Variants in SLC26A9 observed in about 807,000 individuals in gnomAD.
SLC26A9 encodes the protein solute carrier family 26 member 9.
Under a neutral mutation model 87.1 loss-of-function variants are expected in SLC26A9, and 46 were observed. The ratio of observed to expected loss-of-function variants is 0.53; its 90% CI spans 0.42 to 0.67. The LOEUF is 0.67. SLC26A9 is among the 30% of genes least tolerant of loss of function. The pLI is 0.00. For synonymous variants in SLC26A9, 437 were observed against 409.1 expected (o/e 1.07, Z -0.82); for missense variants, 927 against 1,018.3 (o/e 0.91, Z 1.22).
intron 20 of SLC26A9, 128 bp from the exon 21 acceptor site, chr1:205,915,532 GTGT>G: frequency 8.5e-7 from 1 of 1,181,080 alleles, no homozygotes; most frequent in Non-Finnish European, 1.2e-6. Context: ...GTGTGTGTGT[GTGT>G]GTGTGTGTGT....
chr1:205,915,541 TGTGTGTGC>T (rs1658557527), intron 20 of SLC26A9, 137 bp from the exon 21 acceptor site: 2 of 1,165,926 alleles, frequency 1.7e-6, no homozygotes, highest in Non-Finnish European at 2.5e-6. Context: ...TGTGTGTGTG[TGTGTGTGC>T]GAGAGTGTGT....
intron 12 of SLC26A9, among the ~76,000 whole-genome samples, chr1:205,926,088 G>T (rs995175041): frequency 1.3e-5 from 2 of 152,014 alleles, no homozygotes; most frequent in Non-Finnish European, 2.9e-5. Flanking sequence ...CAAGATTTTG[G>T]TCCTCTGGCT....
chr1:205,942,498 G>A (rs547873473), intron 1 of SLC26A9, among the ~76,000 whole-genome samples: 2 of 152,210 alleles, frequency 1.3e-5, no homozygotes, highest in Non-Finnish European at 2.9e-5. Flanking sequence ...CAAGTGTAAG[G>A]GGGCAGTTGA....
At chr1:205,929,014 C>T (rs1659196446) in intron 7 of SLC26A9, 105 bp from the exon 8 acceptor site, 2 of 1,497,956 alleles carry the variant, frequency 1.3e-6, no homozygotes, top group East Asian at 2.3e-5. Flanking sequence ...TCCCACTCCC[C>T]TGCCTCCTTA....
intron 1 of SLC26A9, among the ~76,000 whole-genome samples, chr1:205,943,105 A>G (rs1200424721): frequency 1.3e-5 from 2 of 152,030 alleles, no homozygotes; most frequent in African/African-American, 4.8e-5. Flanking sequence ...GGCGACCACC[A>G]CACCCTCACC....
At chr1:205,933,175 T>G in intron 2 of SLC26A9, 91 bp from the exon 3 acceptor site, 2 of 1,530,918 alleles carry the variant, frequency 1.3e-6, no homozygotes, top group Non-Finnish European at 1.8e-6. Context: ...CTCATTTCAT[T>G]CATTGGTTCA....
chr1:205,915,993 C>T (rs1306298766), intron 20 of SLC26A9, among the ~76,000 whole-genome samples: 10 of 152,192 alleles, frequency 6.6e-5, no homozygotes, highest in Non-Finnish European at 1.3e-4. Flanking sequence ...CAGATTTCTC[C>T]AAACCTAGTC....
At chr1:205,942,799 C>T (rs1243145154) in intron 1 of SLC26A9, among the ~76,000 whole-genome samples, 4 of 152,202 alleles carry the variant, frequency 2.6e-5, no homozygotes, top group Non-Finnish European at 1.5e-5. Flanking sequence ...GTTTCCTCCC[C>T]CTCCACCTCT....
At chr1:205,920,906 C>T (rs1207006522) in intron 17 of SLC26A9, among the ~76,000 whole-genome samples, 1 of 152,244 alleles carries the variant, frequency 6.6e-6, no homozygotes, top group Non-Finnish European at 1.5e-5. Flanking sequence ...CAAGGCTGGC[C>T]TGGACTCCAG....
chr1:205,923,057 G>A lies in SLC26A9; in HGVS notation c.1773+25C>T, dbSNP rs756972838. ...CAGAATGGGCAGGAGAGCAGGGCAC[G>A]GGGCTGCTTCTGGCCTTCATTCACC... On this transcript the variant is annotated intron_variant, in intron 16 of 20. Coordinates refer to ENST00000367135, the MANE Select transcript of SLC26A9 (RefSeq NM_052934.4). 3.0e-5 allele frequency: 48 copies of A among 1,606,630 alleles called. No individual in the cohort carries two copies. The East Asian group carries it at 6.7e-4, about 22-fold the overall frequency.
chr1:205,914,730 G>T lies in SLC26A9; in HGVS notation c.*627C>A. 3.6e-6 allele frequency: 3 copies of T among 836,866 alleles called. No individual in the cohort carries two copies. Among genetic ancestry groups the T allele is most frequent in the Non-Finnish European group, 5.5e-6 (3 of 544,266 alleles). The allele number at this position is 836,866 out of a possible 1,614,324, so 51.8% of individuals were successfully genotyped here. On this transcript the variant is annotated 3_prime_UTR_variant, in exon 21 of 21. Coordinates refer to ENST00000367135, the MANE Select transcript of SLC26A9 (RefSeq NM_052934.4). ...GAGTCTGATGTGCTTGCTGACAGCA[G>T]TGGTGGTTTGGGCAGCCTTGGGGAT... is the stretch of plus-strand genomic sequence containing the variant.
Position 205,921,774 on chromosome 1 carries a change from G to A in SLC26A9, c.1847C>T (p.Pro616Leu), listed in dbSNP as rs371251617. 3.3e-5 allele frequency: 53 copies of A among 1,603,388 alleles called. No homozygotes were observed. The highest frequency in any genetic ancestry group is 9.0e-5 in the South Asian group (8 of 89,244). The change falls in exon 17 of 21, where the codon CCG (proline) becomes CTG (leucine). Residue 616 changes from proline to leucine, a missense_variant. Pro to Leu is a moderately conservative substitution (Grantham distance 98). Transcript: ENST00000367135. ...ATAGGACACGCTGGTGCCGTTAGCC[G>A]GGGTCTGGTTGTTGTTGGGGTCGGT... ...PPTDPNNNQT[P>L]ANGTSVSYIT...
chr1:205,923,243 A>C (rs1214318509), intron 15 of SLC26A9, 48 bp from the exon 16 acceptor site: 8 of 1,609,318 alleles, frequency 5.0e-6, no homozygotes, highest in Non-Finnish European at 6.8e-6. Flanking sequence ...CCTCTATGGG[A>C]GTGGCCTATT....
At chr1:205,929,409 C>A (rs1659218306) in intron 6 of SLC26A9, 53 bp from the exon 7 acceptor site, 1 of 1,593,150 alleles carries the variant, frequency 6.3e-7, no homozygotes, top group Admixed American at 1.7e-5. Flanking sequence ...TCCCATAATA[C>A]CCCACCTTTG....
chr1:205,926,697 C>A, intron 11 of SLC26A9, 67 bp from the exon 12 acceptor site: 2 of 1,340,560 alleles, frequency 1.5e-6, no homozygotes, highest in East Asian at 2.3e-5. Context: ...CTGCGCATAC[C>A]CGACCCCAAG....
At position 205,932,939 on chromosome 1, in the gene SLC26A9, C is replaced by G. The variant is rs747526043; in HGVS notation, c.265+6G>C. On this transcript the variant is annotated splice_donor_region_variant and intron_variant, in intron 3 of 20. Coordinates refer to ENST00000367135, the MANE Select transcript of SLC26A9 (RefSeq NM_052934.4). Reference sequence around the variant, plus strand: ...AATCCAGGCCTGGCTGAAGGAGCCCCTTCACCTTGTGGGACCTGGATGGAT... The same window carrying G: ...AATCCAGGCCTGGCTGAAGGAGCCCGTTCACCTTGTGGGACCTGGATGGAT... The G allele has an allele frequency of 4.3e-5, 69 of 1,613,748 alleles. No individual in the cohort carries two copies. The South Asian group carries it at 7.1e-4, about 17-fold the overall frequency.
chr1:205,927,397 T>A, intron 10 of SLC26A9, 95 bp downstream of exon 10: 2 of 1,551,220 alleles, frequency 1.3e-6, no homozygotes, highest in Non-Finnish European at 8.9e-7. Context: ...GAAGAAGGGG[T>A]CGGAGAAGAG....
At chr1:205,926,972 G>A (rs1659097022) in intron 11 of SLC26A9, among the ~76,000 whole-genome samples, 1 of 152,184 alleles carries the variant, frequency 6.6e-6, no homozygotes, top group East Asian at 1.9e-4. Context: ...CTGGAGTTTG[G>A]GACCAGCCCT....
chr1:205,934,733 A>C (rs1267851299), intron 2 of SLC26A9, among the ~76,000 whole-genome samples: 1 of 152,200 alleles, frequency 6.6e-6, no homozygotes, highest in Non-Finnish European at 1.5e-5. Flanking sequence ...TCTCATCCTC[A>C]GACTTTGTGC....
Sources: gnomAD v4.1 joint callset for allele counts (sites outside exome capture counted in the v4.1 genomes callset) on GRCh38, gnomAD v4.1.1 for gene constraint, MANE v1.5 for transcripts, NCBI Gene and HGNC (gene_info 2026-07-23, HGNC 2026-07-21) for gene names.